DPP10: variants seen among roughly 807,000 people sequenced by gnomAD.
DPP10 encodes the protein inactive dipeptidyl peptidase 10.
A neutral mutation model predicts 120.9 loss-of-function variants in DPP10; 33 were observed. The observed-to-expected ratio is 0.27, with a 90% CI of 0.21 to 0.37. DPP10 has a LOEUF of 0.37. Among genes scored for constraint, DPP10 ranks in the 10% least tolerant of loss-of-function variants. The probability of loss-of-function intolerance (pLI) is 1.00; values close to 1 mark genes in which losing one functional copy is unlikely to be tolerated. For synonymous variants in DPP10, 337 were observed against 326.1 expected (o/e 1.03, Z -0.36); for missense variants, 816 against 942.8 (o/e 0.87, Z 1.76).
At chr2:114,946,423 T>C (rs1697350419) in intron 1 of DPP10, among the ~76,000 whole-genome samples, 2 of 152,184 alleles carry the variant, frequency 1.3e-5, no homozygotes, top group South Asian at 4.1e-4. Flanking sequence ...TGTGAAAATA[T>C]GTAACACTAC....
chr2:114,481,381 C>T (rs1312811933), intron 1 of DPP10, among the ~76,000 whole-genome samples: 1 of 152,030 alleles, frequency 6.6e-6, no homozygotes, highest in Admixed American at 6.6e-5. Flanking sequence ...CATGATACCC[C>T]TATCACAAAG....
At chr2:115,203,206 G>T (rs886605144) in intron 1 of DPP10, among the ~76,000 whole-genome samples, 1 of 152,160 alleles carries the variant, frequency 6.6e-6, no homozygotes, top group Non-Finnish European at 1.5e-5. Context: ...AATGTTTTCT[G>T]CAAGAATGAG....
chr2:114,689,130 C>T (rs1699569248), intron 1 of DPP10, among the ~76,000 whole-genome samples: 1 of 151,266 alleles, frequency 6.6e-6, no homozygotes, highest in South Asian at 2.1e-4. Context: ...AGGTTTGTTA[C>T]ATAGGTAAAC....
intron 3 of DPP10, among the ~76,000 whole-genome samples, chr2:115,378,163 T>C (rs2065966698): frequency 6.6e-6 from 1 of 152,216 alleles, no homozygotes; most frequent in African/African-American, 2.4e-5. Flanking sequence ...ATTTTCACGC[T>C]ATTGATTCTT....
At chr2:114,653,025 A>AGTGTGTGTGTGTGTGTGT (rs753807245) in intron 1 of DPP10, among the ~76,000 whole-genome samples, 65 of 118,910 alleles carry the variant, frequency 5.5e-4, no homozygotes, top group African/African-American at 2.7e-3. Context: ...AGAGAGAGAG[A>AGTGTGTGTGTGTGTGTGT]GAGTGTGTGT....
At chr2:115,438,315 G>C (rs1558659465) in intron 3 of DPP10, among the ~76,000 whole-genome samples, 1 of 152,088 alleles carries the variant, frequency 6.6e-6, no homozygotes, top group South Asian at 2.1e-4. Context: ...AAGAAATGGT[G>C]CTTCCTCAAA....
chr2:115,445,787 G>A (rs2072527251), intron 3 of DPP10, among the ~76,000 whole-genome samples: 1 of 152,192 alleles, frequency 6.6e-6, no homozygotes, highest in African/African-American at 2.4e-5. Context: ...AAGTAATGAG[G>A]AGCTGAATGT....
intron 3 of DPP10, among the ~76,000 whole-genome samples, chr2:115,373,064 G>A (rs1341614568): frequency 6.6e-6 from 1 of 152,202 alleles, no homozygotes; most frequent in African/African-American, 2.4e-5. Context: ...GCCCTTGGAA[G>A]CCACAGGAGG....
chr2:114,904,766 G>A (rs1264348817), intron 1 of DPP10, among the ~76,000 whole-genome samples: 4 of 152,126 alleles, frequency 2.6e-5, no homozygotes. Flanking sequence ...GAACAATTTG[G>A]CTGCAAATGT....
chr2:115,443,854 A>G (rs1490272340), intron 3 of DPP10, among the ~76,000 whole-genome samples: 1 of 152,154 alleles, frequency 6.6e-6, no homozygotes, highest in African/African-American at 2.4e-5. Flanking sequence ...TGGGCCAGAA[A>G]ATTCTTTGTT....
At chr2:115,743,669 T>C (rs1234900580) in intron 9 of DPP10, among the ~76,000 whole-genome samples, 2 of 151,182 alleles carry the variant, frequency 1.3e-5, no homozygotes, top group African/African-American at 4.8e-5. Flanking sequence ...GATATTCTTA[T>C]CTACAGACAG....
chr2:115,775,125 ATATATGCAATAATTT>A (rs1681939955), intron 13 of DPP10, among the ~76,000 whole-genome samples: 1 of 152,084 alleles, frequency 6.6e-6, no homozygotes. Flanking sequence ...ACAGTTTTTA[ATATATGCAATAATTT>A]TATATGCATA....
At chr2:115,386,918 T>G (rs1280744107) in intron 3 of DPP10, among the ~76,000 whole-genome samples, 1 of 150,176 alleles carries the variant, frequency 6.7e-6, no homozygotes, top group Non-Finnish European at 1.5e-5. Flanking sequence ...AAAAAAAAAC[T>G]GTAAGAATAT....
chr2:115,675,292 TATTA>T (rs2090169594), intron 5 of DPP10, among the ~76,000 whole-genome samples: 1 of 152,090 alleles, frequency 6.6e-6, no homozygotes, highest in Admixed American at 6.5e-5. Context: ...ACGAGCAACA[TATTA>T]ATTAAAAACC....
At chr2:115,489,005 G>A (rs1018368854) in intron 3 of DPP10, among the ~76,000 whole-genome samples, 1 of 151,900 alleles carries the variant, frequency 6.6e-6, no homozygotes, top group Non-Finnish European at 1.5e-5. Context: ...CAGTCTTTTA[G>A]TTACATTGCA....
In DPP10 at chr2:115,376,471, A is replaced by ATTTTGTGCT. The variant is rs1179883848; in HGVS notation, c.271+32559_271+32560insTTTTGTGCT. On this transcript the variant is annotated intron_variant, in intron 3 of 25. Transcript: ENST00000410059. ...CCTTTCCTTTTGTGCTGCTCTTCCA[A>ATTTTGTGCT]GATGGCATTCAGAATTTGAATTTCA... 3.9e-5 allele frequency among the ~76,000 whole-genome samples: 6 copies of ATTTTGTGCT among 151,962 alleles called. 1 individual carries two copies. The East Asian group carries it at 1.2e-3, about 29-fold the overall frequency.
intron 1 of DPP10, among the ~76,000 whole-genome samples, chr2:114,943,678 C>G (rs1037833588): frequency 6.6e-6 from 1 of 152,102 alleles, no homozygotes; most frequent in African/African-American, 2.4e-5. Context: ...CTGCACGTGT[C>G]TTTATAGTAA....
intron 1 of DPP10, among the ~76,000 whole-genome samples, chr2:114,663,805 C>A (rs542430868): frequency 2.0e-5 from 3 of 151,928 alleles, no homozygotes; most frequent in Non-Finnish European, 4.4e-5. Context: ...TCTCTGTATA[C>A]TGCATGCCAT....
At chr2:114,690,789 G>T (rs1699687819) in intron 1 of DPP10, among the ~76,000 whole-genome samples, 1 of 151,924 alleles carries the variant, frequency 6.6e-6, no homozygotes, top group African/African-American at 2.4e-5. Context: ...TCCTTGAAGA[G>T]TTCCTTCATT....
Sources: allele counts gnomAD v4.1 joint callset (sites outside exome capture counted in the v4.1 genomes callset), GRCh38; gene constraint gnomAD v4.1.1; transcripts MANE v1.5; gene names NCBI Gene and HGNC (gene_info 2026-07-23, HGNC 2026-07-21).